The following KLF12 variants were observed in gnomAD, a reference collection of about 807,000 sequenced individuals.
KLF12 encodes KLF transcription factor 12.
Under a neutral mutation model 37.8 loss-of-function variants are expected in KLF12, and 9 were observed. The ratio of observed to expected loss-of-function variants is 0.24; its 90% confidence interval spans 0.14 to 0.42. The LOEUF (loss-of-function observed/expected upper bound fraction) is 0.42, where lower values mean the gene tolerates loss of function less well. Ranked by LOEUF, KLF12 falls within the 10% of genes least tolerant of loss-of-function variation. The pLI is 1.00. For missense variants in KLF12, 411 were observed against 516.0 expected (o/e 0.80, Z 1.97); for synonymous variants, 208 against 202.1 (o/e 1.03, Z -0.25).
chr13:73,839,289 G>A (rs1276956650), intron 4 of KLF12, among the ~76,000 whole-genome samples: 5 of 145,592 alleles, frequency 3.4e-5, no homozygotes, highest in Admixed American at 2.1e-4. Flanking sequence ...TTTTGGTAGA[G>A]ACAAGGTTTC....
chr13:73,967,893 C>T (rs1891217111), intron 2 of KLF12, among the ~76,000 whole-genome samples: 1 of 152,110 alleles, frequency 6.6e-6, no homozygotes, highest in African/African-American at 2.4e-5. Context: ...AACTTCAGGG[C>T]CCACTGAAGT....
At chr13:74,242,897 C>A in the KLF12 span, among the ~76,000 whole-genome samples, 1 of 152,164 alleles carries the variant, frequency 6.6e-6, no homozygotes, top group Non-Finnish European at 1.5e-5. Flanking sequence ...TCACTGCCAC[C>A]CACTGCAGAG....
Position 73,766,169 on chromosome 13 carries a change from C to T in KLF12, c.807-1169G>A, listed in dbSNP as rs1316598554. ...AGCTGCTCAGCACAGATTTTCTGCT[C>T]GGCATGGGGGAGGGGGTGTTAATTA... On this transcript the variant is annotated intron_variant, in intron 5 of 7. Transcript: ENST00000377669. 9.9e-5 allele frequency among the ~76,000 whole-genome samples: 15 copies of T among 152,264 alleles called. No individual in the cohort carries two copies. The South Asian group carries it at 2.3e-3, about 23-fold the overall frequency.
chr13:73,939,181 G>A (rs909827080), intron 3 of KLF12, among the ~76,000 whole-genome samples: 2 of 152,022 alleles, frequency 1.3e-5, no homozygotes, highest in Non-Finnish European at 2.9e-5. Context: ...CCTTCCCCGC[G>A]GCAGATTCCT....
At chr13:74,166,495 T>C in the KLF12 span, among the ~76,000 whole-genome samples, 6 of 152,120 alleles carry the variant, frequency 3.9e-5, no homozygotes, top group Non-Finnish European at 8.8e-5. Flanking sequence ...AAATCATGTG[T>C]AAGACTGCAA....
intron 1 of KLF12, among the ~76,000 whole-genome samples, chr13:74,070,667 A>G: frequency 6.6e-6 from 1 of 152,180 alleles, no homozygotes. Context: ...TGACTTACAG[A>G]GATCTACTGT....
At chr13:74,019,625 T>C (rs550735260) in intron 1 of KLF12, among the ~76,000 whole-genome samples, 1 of 152,348 alleles carries the variant, frequency 6.6e-6, no homozygotes, top group South Asian at 2.1e-4. Context: ...CTCTTGTAAT[T>C]AGATTAAAAT....
chr13:74,135,043 T>C (rs1032809210), upstream of KLF12, among the ~76,000 whole-genome samples: 1 of 150,816 alleles, frequency 6.6e-6, no homozygotes, highest in African/African-American at 2.4e-5. Context: ...CCGCGGGCGG[T>C]GCCCCCCGCG....
At chr13:73,964,625 T>A (rs74975457) in intron 2 of KLF12, among the ~76,000 whole-genome samples, 1,680 of 112,964 alleles carry the variant, frequency 0.015, 24 homozygotes, top group African/African-American at 0.056. Context: ...AAAAAAAAAA[T>A]CTAAGGTCAT....
chr13:74,271,665 A>G, the KLF12 span, among the ~76,000 whole-genome samples: 1 of 152,248 alleles, frequency 6.6e-6, no homozygotes, highest in Non-Finnish European at 1.5e-5. Context: ...AGCTAAAGAT[A>G]TATTGAACTA....
Position 73,846,302 on chromosome 13 carries a change from G to A in KLF12, c.195C>T (p.Pro65=), listed in dbSNP as rs957298918. 2 of 1,613,974 alleles carry A rather than the reference G, an allele frequency of 1.2e-6. No individual in the cohort carries two copies. Among genetic ancestry groups the A allele is most frequent in the Non-Finnish European group, 1.7e-6 (2 of 1,179,974 alleles). Residue 65 remains proline (P), a synonymous_variant, in exon 4 of 8, where the codon CCC becomes CCT. Coordinates refer to ENST00000377669, the MANE Select transcript of KLF12 (RefSeq NM_007249.5). ...GATCTACAGATAACGAGTCCTCCGG[G>A]GGCTCCCCTTTCACATTATTTAGCA...
chr13:73,893,255 T>C (rs980140540), intron 3 of KLF12, among the ~76,000 whole-genome samples: 1 of 152,118 alleles, frequency 6.6e-6, no homozygotes, highest in East Asian at 1.9e-4. Context: ...TAATTATGTG[T>C]ATGGTGTGGC....
intron 1 of KLF12, among the ~76,000 whole-genome samples, chr13:74,089,221 C>T (rs1201440161): frequency 1.3e-5 from 2 of 152,046 alleles, no homozygotes; most frequent in African/African-American, 2.4e-5. Flanking sequence ...AACTTCCACC[C>T]GCCCCCTACA....
At chr13:73,852,870 T>C (rs1290737977) in intron 3 of KLF12, among the ~76,000 whole-genome samples, 1 of 148,618 alleles carries the variant, frequency 6.7e-6, no homozygotes, top group Non-Finnish European at 1.5e-5. Context: ...TTTACATTTA[T>C]GTTTTTTTTT....
At chr13:74,243,201 C>A in the KLF12 span, among the ~76,000 whole-genome samples, 2 of 151,952 alleles carry the variant, frequency 1.3e-5, no homozygotes, top group Non-Finnish European at 2.9e-5. Context: ...TGAGAACATG[C>A]GGTGTTTGGT....
chr13:74,011,696 T>A (rs1467193897), intron 1 of KLF12, among the ~76,000 whole-genome samples: 1 of 152,160 alleles, frequency 6.6e-6, no homozygotes, highest in Non-Finnish European at 1.5e-5. Flanking sequence ...TTTTAAGTAA[T>A]CTAGAGAATG....
At chr13:74,218,617 G>C in the KLF12 span, among the ~76,000 whole-genome samples, 1 of 152,128 alleles carries the variant, frequency 6.6e-6, no homozygotes, top group Admixed American at 6.5e-5. Context: ...CTCCTTGGGG[G>C]AATAGATAAT....
At chr13:73,830,077 T>C (rs1331890557) in intron 4 of KLF12, among the ~76,000 whole-genome samples, 2 of 152,184 alleles carry the variant, frequency 1.3e-5, no homozygotes, top group South Asian at 2.1e-4. Flanking sequence ...TTGTTAATAG[T>C]TGCATTAGTT....
At chr13:73,893,151 G>A (rs965370114) in intron 3 of KLF12, among the ~76,000 whole-genome samples, 2 of 151,812 alleles carry the variant, frequency 1.3e-5, no homozygotes, top group Non-Finnish European at 2.9e-5. Flanking sequence ...CCACACCTCC[G>A]CAATGCTTTT....
Sources: gnomAD v4.1 joint callset for allele counts (sites outside exome capture counted in the v4.1 genomes callset) on GRCh38, gnomAD v4.1.1 for gene constraint, MANE v1.5 for transcripts, NCBI Gene and HGNC (gene_info 2026-07-23, HGNC 2026-07-21) for gene names.